RAB21: variants seen among roughly 807,000 people sequenced by gnomAD.
The protein encoded by RAB21 is ras-related protein Rab-21.
Under a neutral mutation model 33.1 loss-of-function variants are expected in RAB21, and 13 were observed. The observed-to-expected ratio is 0.39, with a 90% confidence interval of 0.26 to 0.62. The LOEUF is 0.62. RAB21 is among the 20% of genes least tolerant of loss of function. The pLI is 0.48. For synonymous variants in RAB21, 91 were observed against 103.7 expected (o/e 0.88, Z 0.74); for missense variants, 234 against 279.1 (o/e 0.84, Z 1.15).
At chr12:71,776,584 A>G (rs1486398191) in intron 4 of RAB21, among the ~76,000 whole-genome samples, 1 of 152,100 alleles carries the variant, frequency 6.6e-6, no homozygotes, top group Non-Finnish European at 1.5e-5. Context: ...ATTAGTGTGA[A>G]GTATAGAAAG....
rs1883084875 is a variant in RAB21 at position 71,774,214 on chromosome 12, A to G, written c.391+192A>G. ...GTAATTCCAGCGCCTTGGGAGGCCA[A>G]AGTGGGTGGATCACTTGAGGTCAGG... is the stretch of plus-strand genomic sequence containing the variant. On this transcript the variant is annotated intron_variant, in intron 4 of 6. Coordinates refer to ENST00000261263, the MANE Select transcript of RAB21 (RefSeq NM_014999.4). 3 of 311,276 alleles carry G rather than the reference A, an allele frequency of 9.6e-6. No individual in the cohort carries two copies. The South Asian group carries it at 1.8e-4, about 18-fold the overall frequency. 19.3% of individuals were successfully genotyped at this position (311,276 alleles called of 1,614,324 possible). A position where few individuals can be genotyped will look rare whatever the true frequency, so the allele number is the denominator to read the frequency against.
At chr12:71,768,923 T>C (rs328757) in intron 1 of RAB21, among the ~76,000 whole-genome samples, 4,608 of 152,238 alleles carry the variant, frequency 0.03, 232 homozygotes, top group African/African-American at 0.1. Context: ...ATTTCCAAAG[T>C]ATACTTGACG....
Position 71,792,622 on chromosome 12 carries a change from TATTTTAAAAA to T in RAB21, c.*6959_*6968del, listed in dbSNP as rs1350957327. The T allele has an allele frequency of 1.3e-5, 2 of 152,240 alleles. No individual in the cohort carries two copies. Among genetic ancestry groups the T allele is most frequent in the Non-Finnish European group, 2.9e-5 (2 of 68,042 alleles). 9.4% of individuals were successfully genotyped at this position (152,240 alleles called of 1,614,324 possible). On this transcript the variant is annotated 3_prime_UTR_variant, in exon 7 of 7. Transcript: ENST00000261263. ...TATGTGAGTTTAATAATTGTTTCTG[TATTTTAAAAA>T]ATTTTAAAACATTCAGCTTTTTATG...
At chr12:71,775,550 T>A (rs892937326) in intron 4 of RAB21, among the ~76,000 whole-genome samples, 2 of 152,180 alleles carry the variant, frequency 1.3e-5, no homozygotes, top group Non-Finnish European at 2.9e-5. Context: ...AATTTTTTTT[T>A]TCTTGAGACG....
In RAB21 at chr12:71,770,761, T is replaced by C. The variant is rs1320149483; in HGVS notation, c.327+62T>C. ...TAGTAATTTTTCAAGTTTCCATTAA[T>C]ATACCTTTATTCACTAATGTGATTA... On this transcript the variant is annotated intron_variant, in intron 3 of 6. Coordinates refer to ENST00000261263, the MANE Select transcript of RAB21 (RefSeq NM_014999.4). 4.7e-6 allele frequency: 5 copies of C among 1,071,064 alleles called. No homozygotes were observed. In the African/African-American group the frequency reaches 4.8e-5, roughly 10 times the overall value. 66.3% of individuals were successfully genotyped at this position (1,071,064 alleles called of 1,614,324 possible).
chr12:71,783,318 A>G (rs1425628004), intron 6 of RAB21, among the ~76,000 whole-genome samples: 1 of 151,832 alleles, frequency 6.6e-6, no homozygotes, highest in East Asian at 1.9e-4. Flanking sequence ...AAAGGAAAAT[A>G]AATTTATATA....
In RAB21 at chr12:71,788,458, G is replaced by A. The variant is rs1031702573; in HGVS notation, c.*2785G>A. 6.6e-6 allele frequency: 1 copy of A among 152,048 alleles called. No individual in the cohort carries two copies. The highest frequency in any genetic ancestry group is 1.5e-5 in the Non-Finnish European group (1 of 68,008). The allele number at this position is 152,048 out of a possible 1,614,324, so 9.4% of individuals were successfully genotyped here. ...TCACTTTGAAACCCAAAAGGTCTTT[G>A]GGTAGGAATAGAGTAATGAAAGAGG... On this transcript the variant is annotated 3_prime_UTR_variant, in exon 7 of 7. Transcript: ENST00000261263.
rs1181325062 is a variant in RAB21 at position 71,786,921 on chromosome 12, C to G, written c.*1248C>G. 3 of 152,212 alleles carry G rather than the reference C, an allele frequency of 2.0e-5. No homozygotes were observed. The East Asian group carries it at 5.8e-4, about 29-fold the overall frequency. The allele number at this position is 152,212 out of a possible 1,614,324, so 9.4% of individuals were successfully genotyped here. A position where few individuals can be genotyped will look rare whatever the true frequency, so the allele number is the denominator to read the frequency against. On this transcript the variant is annotated 3_prime_UTR_variant, in exon 7 of 7. Coordinates refer to ENST00000261263, the MANE Select transcript of RAB21 (RefSeq NM_014999.4). The stretch of plus-strand genomic sequence containing the variant: ...GGGTGGCTCATGTTGAATTTCACTT[C>G]TGCAATAGCTTTCATTTTCTCATAG...
chr12:71,782,009 ATATT>A lies in RAB21; in HGVS notation c.392-19_392-16del. 1 of 1,529,982 alleles carries A rather than the reference ATATT, an allele frequency of 6.5e-7. No homozygotes were observed. The highest frequency in any genetic ancestry group is 9.0e-7 in the Non-Finnish European group (1 of 1,108,234). The allele number at this position is 1,529,982 out of a possible 1,614,324, so 94.8% of individuals were successfully genotyped here. A position where few individuals can be genotyped will look rare whatever the true frequency, so the allele number is the denominator to read the frequency against. On this transcript the variant is annotated intron_variant, in intron 4 of 6. Transcript: ENST00000261263. ...TGAAAATAAATCAGTATAAAGATAA[ATATT>A]TACTTTTTTCAAAATAGGTAATAAA...
chr12:71,773,921 C>A (rs764953389), intron 3 of RAB21, 38 bp from the exon 4 acceptor site: 9 of 1,447,558 alleles, frequency 6.2e-6, no homozygotes, highest in Non-Finnish European at 6.6e-6. Flanking sequence ...GTAATTCCAA[C>A]AGGATTTGTT....
chr12:71,787,548 T>G lies in RAB21; in HGVS notation c.*1875T>G, dbSNP rs1883313428. On this transcript the variant is annotated 3_prime_UTR_variant, in exon 7 of 7. Transcript: ENST00000261263. ...TATAGTTACAAAAGAAATACTGCCA[T>G]ATTTTTAAGTTAATAACTTAAACCT... 6.6e-6 allele frequency: 1 copy of G among 152,196 alleles called. No homozygotes were observed. The highest frequency in any genetic ancestry group is 6.5e-5 in the Admixed American group (1 of 15,284). The allele number at this position is 152,196 out of a possible 1,614,324, so 9.4% of individuals were successfully genotyped here. A position where few individuals can be genotyped will look rare whatever the true frequency, so the allele number is the denominator to read the frequency against.
rs373586239 is a variant in RAB21 at position 71,785,561 on chromosome 12, G to C, written c.566G>C (p.Arg189Thr). 3.7e-6 allele frequency: 6 copies of C among 1,614,060 alleles called. No homozygotes were observed. Among genetic ancestry groups the C allele is most frequent in the Non-Finnish European group, 5.1e-6 (6 of 1,180,010 alleles). ...ATAGAAACAGCACAAGTGGATGAGAGAGCAAAAGGCAATGGCTCTAGTCAG... is the reference window on the plus strand; with the variant it reads ...ATAGAAACAGCACAAGTGGATGAGACAGCAAAAGGCAATGGCTCTAGTCAG... ...RMIETAQVDERAKGNGSSQPG... is the reference protein window; with the variant it reads ...RMIETAQVDETAKGNGSSQPG... The change falls in exon 7 of 7, where the codon AGA becomes ACA. Residue 189 changes from arginine (R) to threonine (T), a missense_variant. Coordinates refer to ENST00000261263, the MANE Select transcript of RAB21 (RefSeq NM_014999.4).
Position 71,787,377 on chromosome 12 carries a change from A to T in RAB21, c.*1704A>T, listed in dbSNP as rs535920343. The T allele has an allele frequency of 6.6e-6, 1 of 152,220 alleles. No individual in the cohort carries two copies. Among genetic ancestry groups the T allele is most frequent in the East Asian group, 1.9e-4 (1 of 5,186 alleles). 9.4% of individuals were successfully genotyped at this position (152,220 alleles called of 1,614,324 possible). ...ATAAATTGTTCTTGTTCTAATATAT[A>T]TATTTTTTCATTTCTGTCGTGCTTG... On this transcript the variant is annotated 3_prime_UTR_variant, in exon 7 of 7. Coordinates refer to ENST00000261263, the MANE Select transcript of RAB21 (RefSeq NM_014999.4).
chr12:71,772,676 A>G (rs556477920), intron 3 of RAB21, among the ~76,000 whole-genome samples: 65 of 152,250 alleles, frequency 4.3e-4, no homozygotes, highest in African/African-American at 1.5e-3. Flanking sequence ...GAGGTGGTGA[A>G]GATGTATATT....
At chr12:71,771,938 T>TGGACTCCAGCCTGGGTGACAGAGTG (rs1404331587) in intron 3 of RAB21, among the ~76,000 whole-genome samples, 74 of 150,958 alleles carry the variant, frequency 4.9e-4, no homozygotes, top group African/African-American at 1.7e-3. Flanking sequence ...ATCGCGCCAC[T>TGGACTCCAGCCTGGGTGACAGAGTG]GGACTCCAGC....
rs1883504460 is a variant in RAB21 at position 71,799,096 on chromosome 12, A to G, written c.*13423A>G. 1 of 152,316 alleles carries G rather than the reference A, an allele frequency of 6.6e-6. No homozygotes were observed. Among genetic ancestry groups the G allele is most frequent in the African/African-American group, 2.4e-5 (1 of 41,460 alleles). The allele number at this position is 152,316 out of a possible 1,614,324, so 9.4% of individuals were successfully genotyped here. ...AATATGGATAGGCTGTGGTGGTGGCAGCAGCTTCTTAATCTGACATTCCAA... is the reference window on the plus strand; with the variant it reads ...AATATGGATAGGCTGTGGTGGTGGCGGCAGCTTCTTAATCTGACATTCCAA... On this transcript the variant is annotated 3_prime_UTR_variant, in exon 7 of 7. Transcript: ENST00000261263.
intron 6 of RAB21, among the ~76,000 whole-genome samples, chr12:71,783,602 A>G (rs1000991875): frequency 2.0e-5 from 3 of 152,160 alleles, no homozygotes; most frequent in African/African-American, 7.2e-5. Flanking sequence ...AGAAATGCAA[A>G]TTCTTGGGCT....
chr12:71,760,036 A>G (rs1882847000), intron 1 of RAB21, among the ~76,000 whole-genome samples: 1 of 152,262 alleles, frequency 6.6e-6, no homozygotes. Flanking sequence ...TTGATGTTAA[A>G]TGAATAAATG....
Position 71,774,006 on chromosome 12 carries a change from C to T in RAB21, c.375C>T (p.Ile125=). ...KELRKMLGNE[I]CLCIVGNKID... ...TACGGAAAATGTTGGGAAATGAAAT[C>T]TGTTTATGTATAGTTGGTAAGCATC... The change falls in exon 4 of 7, where the codon ATC becomes ATT. Residue 125 remains isoleucine, a synonymous_variant. Transcript: ENST00000261263. 6.3e-7 allele frequency: 1 copy of T among 1,591,858 alleles called. No homozygotes were observed. Among genetic ancestry groups the T allele is most frequent in the African/African-American group, 1.4e-5 (1 of 73,766 alleles).
Sources: allele counts gnomAD v4.1 joint callset (sites outside exome capture counted in the v4.1 genomes callset), GRCh38; gene constraint gnomAD v4.1.1; transcripts MANE v1.5; gene names NCBI Gene and HGNC (gene_info 2026-07-23, HGNC 2026-07-21).